The following HCN1 variants were observed in gnomAD, a reference collection of about 807,000 sequenced individuals.
HCN1 encodes potassium/sodium hyperpolarization-activated cyclic nucleotide-gated channel 1.
A neutral mutation model predicts 78.9 loss-of-function variants in HCN1; 13 were observed. The observed-to-expected ratio is 0.16, with a 90% confidence interval of 0.11 to 0.26. The LOEUF is 0.26. Among genes scored for constraint, HCN1 ranks in the 10% least tolerant of loss-of-function variants. HCN1 has a pLI of 1.00. For synonymous variants in HCN1, 552 were observed against 455.5 expected (o/e 1.21, Z -2.70); for missense variants, 810 against 1,154.3 (o/e 0.70, Z 4.32).
chr5:45,324,228 A>G (rs1281067408), intron 5 of HCN1, among the ~76,000 whole-genome samples: 1 of 151,936 alleles, frequency 6.6e-6, no homozygotes, highest in East Asian at 2.0e-4. Flanking sequence ...AACCTACAGA[A>G]TGGGAGAAAA....
At chr5:45,678,527 T>C (rs1580046304) in intron 1 of HCN1, among the ~76,000 whole-genome samples, 1 of 151,974 alleles carries the variant, frequency 6.6e-6, no homozygotes, top group East Asian at 1.9e-4. Flanking sequence ...TCAATATTTG[T>C]GGCTAAAGTT....
intron 1 of HCN1, among the ~76,000 whole-genome samples, chr5:45,671,309 T>TA (rs2112075563): frequency 6.6e-6 from 1 of 151,666 alleles, no homozygotes; most frequent in South Asian, 2.1e-4. Flanking sequence ...TTGAAGTAAT[T>TA]ACTCTGTCCT....
chr5:45,686,529 G>A (rs774129160), intron 1 of HCN1, among the ~76,000 whole-genome samples: 18 of 152,078 alleles, frequency 1.2e-4, no homozygotes. Context: ...ATTTAAAACA[G>A]TCAACTTGTT....
rs184226915 is a variant in HCN1, at chr5:45,572,962, C to G, written c.849+72223G>C. Reference sequence around the variant, plus strand: ...AGGAACATTTCATTTTTTTTAAGGTCGTCAGGAAAGGATCTATTGAAACAT... The same window carrying G: ...AGGAACATTTCATTTTTTTTAAGGTGGTCAGGAAAGGATCTATTGAAACAT... On this transcript the variant is annotated intron_variant, in intron 2 of 7. Coordinates refer to ENST00000303230, the MANE Select transcript of HCN1 (RefSeq NM_021072.4). Among the ~76,000 whole-genome samples, 8 of 151,974 alleles carry G rather than the reference C, an allele frequency of 5.3e-5. No homozygotes were observed. In the East Asian group the frequency reaches 1.4e-3, roughly 26 times the overall value.
chr5:45,648,251 A>G (rs1745587293), intron 1 of HCN1, among the ~76,000 whole-genome samples: 1 of 152,298 alleles, frequency 6.6e-6, no homozygotes, highest in East Asian at 1.9e-4. Flanking sequence ...TAATTAAGAT[A>G]GAAGCTTTTT....
At chr5:45,664,675 GC>G (rs1745997497) in intron 1 of HCN1, among the ~76,000 whole-genome samples, 1 of 151,914 alleles carries the variant, frequency 6.6e-6, no homozygotes, top group Non-Finnish European at 1.5e-5. Flanking sequence ...AGACATTTAT[GC>G]AGCCAAAAAA....
intron 2 of HCN1, among the ~76,000 whole-genome samples, chr5:45,578,296 T>G (rs576848335): frequency 6.6e-6 from 1 of 152,042 alleles, no homozygotes; most frequent in East Asian, 1.9e-4. Context: ...GGAAACATAT[T>G]CCAAGCAGTG....
intron 2 of HCN1, among the ~76,000 whole-genome samples, chr5:45,462,231 G>T (rs185272725): frequency 2.6e-5 from 4 of 152,236 alleles, no homozygotes; most frequent in South Asian, 4.1e-4. Context: ...GAGCAACAGA[G>T]ATAGCATGAA....
intron 6 of HCN1, among the ~76,000 whole-genome samples, chr5:45,301,797 A>T (rs1387523396): frequency 6.6e-6 from 1 of 152,012 alleles, no homozygotes; most frequent in East Asian, 1.9e-4. Context: ...CAGAACATAA[A>T]ATCTTTAATG....
At chr5:45,299,186 T>C (rs1402224464) in intron 6 of HCN1, among the ~76,000 whole-genome samples, 1 of 151,998 alleles carries the variant, frequency 6.6e-6, no homozygotes, top group Non-Finnish European at 1.5e-5. Flanking sequence ...AAAAAGGACA[T>C]TGGGTAAAGA....
At chr5:45,678,648 C>A (rs1727835369) in intron 1 of HCN1, among the ~76,000 whole-genome samples, 1 of 151,834 alleles carries the variant, frequency 6.6e-6, no homozygotes, top group Non-Finnish European at 1.5e-5. Context: ...TAAGCACCAC[C>A]ATTCAAAAGG....
At chr5:45,348,438 C>G (rs1305735068) in intron 5 of HCN1, among the ~76,000 whole-genome samples, 2 of 152,110 alleles carry the variant, frequency 1.3e-5, no homozygotes, top group Admixed American at 6.5e-5. Flanking sequence ...GCCATCAAGG[C>G]TAGGAAGAAA....
intron 6 of HCN1, among the ~76,000 whole-genome samples, chr5:45,293,137 G>A (rs374992094): frequency 3.3e-5 from 5 of 151,866 alleles, no homozygotes; most frequent in South Asian, 2.1e-4. Context: ...TGGGTTAAAC[G>A]GTATTTCTGT....
At chr5:45,597,144 A>T (rs1744518096) in intron 2 of HCN1, among the ~76,000 whole-genome samples, 1 of 152,192 alleles carries the variant, frequency 6.6e-6, no homozygotes, top group African/African-American at 2.4e-5. Flanking sequence ...AATATCCCTG[A>T]TCAACATTGA....
At chr5:45,676,828 C>T (rs773339535) in intron 1 of HCN1, among the ~76,000 whole-genome samples, 18 of 151,682 alleles carry the variant, frequency 1.2e-4, no homozygotes, top group Non-Finnish European at 2.4e-4. Flanking sequence ...TGTGATGACA[C>T]ATTATAGAAG....
At chr5:45,359,806 T>C (rs945983861) in intron 4 of HCN1, among the ~76,000 whole-genome samples, 3 of 151,906 alleles carry the variant, frequency 2.0e-5, no homozygotes, top group African/African-American at 7.2e-5. Context: ...TACACATATC[T>C]GAGTGTCAAT....
At chr5:45,402,728 T>C (rs1739839901) in intron 3 of HCN1, among the ~76,000 whole-genome samples, 1 of 152,082 alleles carries the variant, frequency 6.6e-6, no homozygotes, top group Non-Finnish European at 1.5e-5. Flanking sequence ...GAAGGATTAA[T>C]GAAATATAGG....
At chr5:45,263,904 C>T (rs1579764200) in intron 7 of HCN1, among the ~76,000 whole-genome samples, 1 of 152,284 alleles carries the variant, frequency 6.6e-6, no homozygotes, top group East Asian at 1.9e-4. Context: ...TGCCATTCTC[C>T]TGCCTTAGCC....
intron 2 of HCN1, among the ~76,000 whole-genome samples, chr5:45,549,451 A>G (rs1373470322): frequency 6.6e-6 from 1 of 152,214 alleles, no homozygotes; most frequent in Non-Finnish European, 1.5e-5. Flanking sequence ...CATATGTAGA[A>G]AGCTGAAACT....
Sources: allele counts gnomAD v4.1 joint callset (sites outside exome capture counted in the v4.1 genomes callset), GRCh38; gene constraint gnomAD v4.1.1; transcripts MANE v1.5; gene names NCBI Gene and HGNC (gene_info 2026-07-23, HGNC 2026-07-21).